ITPR2: variants seen among roughly 807,000 people sequenced by gnomAD.
ITPR2 encodes inositol 1,4,5-trisphosphate-gated calcium channel ITPR2.
In ITPR2, 207 loss-of-function variants were observed where a neutral mutation model predicts 317.1. The ratio of observed to expected loss-of-function variants is 0.65; its 90% CI spans 0.58 to 0.73. The LOEUF is 0.73. Among genes scored for constraint, ITPR2 ranks in the 30% least tolerant of loss-of-function variants. ITPR2 has a pLI of 0.00. For missense variants in ITPR2, 2,613 were observed against 3,284.0 expected, an observed-to-expected ratio of 0.80 and a Z score of 4.99; for synonymous variants, 1,156 against 1,149.1, an observed-to-expected ratio of 1.01 and a Z score of -0.12.
At chr12:26,409,674 G>A (rs1940478120) in intron 52 of ITPR2, among the ~76,000 whole-genome samples, 3 of 152,080 alleles carry the variant, frequency 2.0e-5, no homozygotes, top group Admixed American at 2.0e-4. Flanking sequence ...TTTCCCATGG[G>A]ACATAGTTTG....
chr12:26,620,478 G>A (rs1487596752), intron 26 of ITPR2, among the ~76,000 whole-genome samples: 2 of 152,146 alleles, frequency 1.3e-5, no homozygotes, highest in African/African-American at 2.4e-5. Flanking sequence ...AAAACTTTTT[G>A]TATTAACAAT....
At chr12:26,463,330 G>C (rs1170146667) in intron 45 of ITPR2, among the ~76,000 whole-genome samples, 2 of 152,100 alleles carry the variant, frequency 1.3e-5, no homozygotes, top group Admixed American at 6.5e-5. Context: ...GCATTTTACA[G>C]AATCATTACA....
intron 1 of ITPR2, among the ~76,000 whole-genome samples, chr12:26,797,526 A>G (rs1449704441): frequency 6.6e-6 from 1 of 152,170 alleles, no homozygotes; most frequent in Admixed American, 6.5e-5. Context: ...ACTAAGTGAT[A>G]TAGTTCATTT....
intron 34 of ITPR2, among the ~76,000 whole-genome samples, chr12:26,565,801 G>C: frequency 6.9e-6 from 1 of 145,508 alleles, no homozygotes; most frequent in South Asian, 2.2e-4. Context: ...GCAAAACCCT[G>C]TCTCTAAAAA....
intron 26 of ITPR2, among the ~76,000 whole-genome samples, chr12:26,604,591 A>C (rs952571320): frequency 1.3e-5 from 2 of 152,138 alleles, no homozygotes; most frequent in African/African-American, 4.8e-5. Context: ...ACTCATACTC[A>C]CTAGAATTGG....
At chr12:26,605,780 C>G (rs1367639375) in intron 26 of ITPR2, among the ~76,000 whole-genome samples, 1 of 152,082 alleles carries the variant, frequency 6.6e-6, no homozygotes, top group African/African-American at 2.4e-5. Flanking sequence ...TGCTAGCAGT[C>G]AACAAAAGGC....
At chr12:26,434,508 GGT>G (rs1419025046) in intron 48 of ITPR2, among the ~76,000 whole-genome samples, 2 of 152,168 alleles carry the variant, frequency 1.3e-5, no homozygotes, top group Non-Finnish European at 2.9e-5. Context: ...ATGTACAATA[GGT>G]GGCAGCAGAG....
At chr12:26,677,473 G>C (rs185733325) in intron 13 of ITPR2, among the ~76,000 whole-genome samples, 1 of 152,034 alleles carries the variant, frequency 6.6e-6, no homozygotes, top group Non-Finnish European at 1.5e-5. Context: ...GGTGGCACGT[G>C]CCTGTGTTCC....
chr12:26,552,185 A>T (rs1261905507), intron 36 of ITPR2, among the ~76,000 whole-genome samples: 1 of 151,850 alleles, frequency 6.6e-6, no homozygotes, highest in Non-Finnish European at 1.5e-5. Context: ...GTGGATGGTG[A>T]TCAGTTTTTT....
intron 2 of ITPR2, among the ~76,000 whole-genome samples, chr12:26,741,834 C>A (rs1006314132): frequency 7.9e-5 from 12 of 152,140 alleles, no homozygotes; most frequent in African/African-American, 2.9e-4. Context: ...CTTAGGCTCT[C>A]AAGCCAGTAA....
At chr12:26,676,877 C>A (rs1206306822) in intron 13 of ITPR2, among the ~76,000 whole-genome samples, 1 of 152,008 alleles carries the variant, frequency 6.6e-6, no homozygotes, top group African/African-American at 2.4e-5. Context: ...CACATTTATT[C>A]TTTTGTATTT....
At chr12:26,772,786 T>C (rs189023608) in intron 2 of ITPR2, among the ~76,000 whole-genome samples, 1 of 151,750 alleles carries the variant, frequency 6.6e-6, no homozygotes, top group Admixed American at 6.6e-5. Context: ...GAGCAGAACA[T>C]GCAGGTTTGT....
chr12:26,689,855 G>A (rs1948201383), intron 10 of ITPR2, among the ~76,000 whole-genome samples: 2 of 152,224 alleles, frequency 1.3e-5, no homozygotes, highest in African/African-American at 4.8e-5. Flanking sequence ...AGGTTTAGAA[G>A]AGGATGTGAT....
At chr12:26,732,438 C>G (rs1949042479) in intron 2 of ITPR2, among the ~76,000 whole-genome samples, 1 of 152,172 alleles carries the variant, frequency 6.6e-6, no homozygotes, top group Non-Finnish European at 1.5e-5. Flanking sequence ...AATGCCCTGA[C>G]AAGTGACTGC....
At position 26,490,534 on chromosome 12, in the gene ITPR2, C is replaced by T. The variant is rs560247742; in HGVS notation, c.5371-3283G>A. Among the ~76,000 whole-genome samples, 40 of 152,300 alleles carry T rather than the reference C, an allele frequency of 2.6e-4. No individual in the cohort carries two copies. The South Asian group carries it at 4.4e-3, about 17-fold the overall frequency. On this transcript the variant is annotated intron_variant, in intron 39 of 56. Transcript: ENST00000381340. ...GGCAAAATAAAGCGGCAGAAATGGC[C>T]GGGCGCAGTGGCTCATGCCTGTAAT...
At chr12:26,705,540 A>C (rs893781279) in intron 9 of ITPR2, among the ~76,000 whole-genome samples, 1 of 151,976 alleles carries the variant, frequency 6.6e-6, no homozygotes, top group Non-Finnish European at 1.5e-5. Context: ...CGCTCTGAAA[A>C]CCCAAATCTA....
At chr12:26,723,475 C>T (rs1948869680) in intron 4 of ITPR2, among the ~76,000 whole-genome samples, 1 of 152,114 alleles carries the variant, frequency 6.6e-6, no homozygotes, top group Non-Finnish European at 1.5e-5. Context: ...ATAAGTTCCA[C>T]TTGCTGACAT....
chr12:26,593,734 TTTG>T (rs1302516479), intron 32 of ITPR2, among the ~76,000 whole-genome samples: 7 of 84,314 alleles, frequency 8.3e-5, no homozygotes, highest in East Asian at 6.1e-4. Context: ...TTGCTATTTT[TTTG>T]TTTTTTTTTT....
chr12:26,560,128 AG>A (rs1944773209), intron 35 of ITPR2, among the ~76,000 whole-genome samples: 1 of 152,218 alleles, frequency 6.6e-6, no homozygotes, highest in Non-Finnish European at 1.5e-5. Flanking sequence ...GTTTACTAAA[AG>A]AAGTTTAAGG....
Sources: allele counts gnomAD v4.1 joint callset (sites outside exome capture counted in the v4.1 genomes callset), GRCh38; gene constraint gnomAD v4.1.1; transcripts MANE v1.5; gene names NCBI Gene and HGNC (gene_info 2026-07-23, HGNC 2026-07-21).